Variants in ADH1C observed in about 807,000 individuals in gnomAD.
The protein encoded by ADH1C is alcohol dehydrogenase 1C (class I), gamma polypeptide, also known as alcohol dehydrogenase 1C.
Under a neutral mutation model 35.0 loss-of-function variants are expected in ADH1C, and 26 were observed. The observed-to-expected ratio is 0.74, with a 90% confidence interval of 0.54 to 1.03. The LOEUF is 1.03. Among genes scored for constraint, ADH1C ranks in the 50% least tolerant of loss-of-function variants. The pLI, the probability that ADH1C is intolerant of heterozygous loss-of-function variation, is 0.00. For synonymous variants in ADH1C, 170 were observed against 169.3 expected, an observed-to-expected ratio of 1.00 and a Z score of -0.03; for missense variants, 413 against 465.4, an observed-to-expected ratio of 0.89 and a Z score of 1.04.
intron 5 of ADH1C, among the ~76,000 whole-genome samples, chr4:99,343,330 A>G (rs1194265916): frequency 6.6e-6 from 1 of 152,162 alleles, no homozygotes; most frequent in Non-Finnish European, 1.5e-5. Context: ...TTAAATGAGA[A>G]TCTCTGCAGG....
intron 2 of ADH1C, among the ~76,000 whole-genome samples, chr4:99,347,445 A>C (rs34178057): frequency 0.079 from 12,086 of 152,266 alleles, 577 homozygotes; most frequent in Non-Finnish European, 0.1. Context: ...AGAAATTGCA[A>C]ATTAACACCA....
At chr4:99,337,703 G>C (rs1006674189) in intron 8 of ADH1C, among the ~76,000 whole-genome samples, 1 of 151,912 alleles carries the variant, frequency 6.6e-6, no homozygotes, top group African/African-American at 2.4e-5. Flanking sequence ...TTACGACCTC[G>C]GAGTAATCAT....
intron 6 of ADH1C, among the ~76,000 whole-genome samples, chr4:99,341,113 G>A (rs931700194): frequency 2.0e-5 from 3 of 152,130 alleles, no homozygotes; most frequent in Non-Finnish European, 4.4e-5. Context: ...ATATTTTGAT[G>A]ATGAACAAGA....
intron 8 of ADH1C, among the ~76,000 whole-genome samples, chr4:99,338,139 C>T (rs1001451806): frequency 1.3e-5 from 2 of 151,278 alleles, no homozygotes; most frequent in African/African-American, 4.8e-5. Flanking sequence ...TGAAAGCATC[C>T]AAGTCACCTT....
In ADH1C at chr4:99,336,574, A is replaced by T; in HGVS notation, c.*178T>A. The T allele has an allele frequency of 1.2e-6, 1 of 804,544 alleles. No homozygotes were observed. The highest frequency in any genetic ancestry group is 2.0e-6 in the Non-Finnish European group (1 of 501,436). 49.8% of individuals were successfully genotyped at this position (804,544 alleles called of 1,614,324 possible). On this transcript the variant is annotated 3_prime_UTR_variant, in exon 9 of 9. Coordinates refer to ENST00000515683, the MANE Select transcript of ADH1C (RefSeq NM_000669.5). ...TTTATTTAGTTCTCATTTGGATTTT[A>T]AACATTTGCTTGACAAATAATTTCC... is the stretch of plus-strand genomic sequence containing the variant.
At chr4:99,349,382 A>AT (rs1022024248) in intron 1 of ADH1C, among the ~76,000 whole-genome samples, 12 of 151,096 alleles carry the variant, frequency 7.9e-5, no homozygotes, top group South Asian at 2.1e-4. Flanking sequence ...TATTCTTTTG[A>AT]TTTTTTTTTC....
rs746897151 is a variant in ADH1C at position 99,352,646 on chromosome 4, T to A, written c.18+12A>T. 6.2e-7 allele frequency: 1 copy of A among 1,604,966 alleles called. No individual in the cohort carries two copies. The highest frequency in any genetic ancestry group is 1.1e-5 in the South Asian group (1 of 90,788). On this transcript the variant is annotated intron_variant, in intron 1 of 8. Transcript: ENST00000515683. ...AGAATATATTATCAACAGTAATATA[T>A]TTTTTGCTTACTTTTCCTGCTGTGC... is the stretch of plus-strand genomic sequence containing the variant.
intron 2 of ADH1C, 57 bp from the exon 3 acceptor site, chr4:99,347,201 C>T: frequency 1.3e-6 from 2 of 1,554,618 alleles, no homozygotes; most frequent in Non-Finnish European, 1.7e-6. Context: ...GTCAGATGGA[C>T]TTAACAAACC....
At chr4:99,336,853 T>C (rs1485077909) in intron 8 of ADH1C, 77 bp from the exon 9 acceptor site, 33 of 1,586,184 alleles carry the variant, frequency 2.1e-5, no homozygotes, top group Non-Finnish European at 2.3e-5. Flanking sequence ...CAAGGAGTAT[T>C]TGAGGTGACT....
At chr4:99,337,980 A>G (rs896666631) in intron 8 of ADH1C, among the ~76,000 whole-genome samples, 1 of 151,988 alleles carries the variant, frequency 6.6e-6, no homozygotes, top group African/African-American at 2.4e-5. Flanking sequence ...GCTTAAACAT[A>G]TATGTATGTT....
At position 99,345,094 on chromosome 4, in the gene ADH1C, A is replaced by G. The variant is rs762152705; in HGVS notation, c.348-13T>C. The G allele has an allele frequency of 1.2e-6, 2 of 1,614,046 alleles. No homozygotes were observed. Among genetic ancestry groups the G allele is most frequent in the South Asian group, 2.2e-5 (2 of 91,086 alleles). ...AGGATTGCCTAGACTGGGCAGTGCAATACAAAGACACACAAAGGCATGAGA... is the reference window on the plus strand; with the variant it reads ...AGGATTGCCTAGACTGGGCAGTGCAGTACAAAGACACACAAAGGCATGAGA... On this transcript the variant is annotated splice_polypyrimidine_tract_variant and intron_variant, in intron 4 of 8. Transcript: ENST00000515683.
intron 6 of ADH1C, among the ~76,000 whole-genome samples, chr4:99,341,258 A>G (rs1734408451): frequency 6.6e-6 from 1 of 152,216 alleles, no homozygotes; most frequent in Admixed American, 6.5e-5. Context: ...TTGGTTTTAC[A>G]TTAAATTACA....
intron 8 of ADH1C, among the ~76,000 whole-genome samples, chr4:99,337,552 A>C (rs972565656): frequency 6.6e-6 from 1 of 152,228 alleles, no homozygotes; most frequent in East Asian, 1.9e-4. Context: ...AACACTTTTA[A>C]GAAAAGAAGA....
chr4:99,338,105 T>G (rs1396093397), intron 8 of ADH1C, among the ~76,000 whole-genome samples: 1 of 151,796 alleles, frequency 6.6e-6, no homozygotes, highest in Admixed American at 6.6e-5. Flanking sequence ...CCCAAAAGGA[T>G]GTATCAATTA....
In ADH1C at chr4:99,344,483, C is replaced by T. The variant is rs572829314; in HGVS notation, c.567+379G>A. Among the ~76,000 whole-genome samples, 275 of 152,240 alleles carry T rather than the reference C, an allele frequency of 1.8e-3. 1 individual carries two copies. Among genetic ancestry groups the T allele is most frequent in the Non-Finnish European group, 1.9e-3 (129 of 68,022 alleles). ...AGACTAGATGGTCCTCAAGGGCAAA[C>T]GCTTCATTTCATTTACTTTTGCTGT... On this transcript the variant is annotated intron_variant, in intron 5 of 8. Transcript: ENST00000515683.
intron 7 of ADH1C, 44 bp downstream of exon 7, chr4:99,340,531 T>C (rs368663868): frequency 3.9e-5 from 63 of 1,607,790 alleles, no homozygotes; most frequent in Non-Finnish European, 5.0e-5. Context: ...AGGAGAGAAA[T>C]TCTTAGGTTA....
intron 4 of ADH1C, 48 bp downstream of exon 4, chr4:99,345,131 C>G (rs1376342946): frequency 1.7e-5 from 28 of 1,613,830 alleles, no homozygotes; most frequent in Non-Finnish European, 2.2e-5. Flanking sequence ...AGGACCATAA[C>G]TAATGTGCAA....
At chr4:99,352,033 A>C (rs1167995287) in intron 1 of ADH1C, among the ~76,000 whole-genome samples, 1 of 152,210 alleles carries the variant, frequency 6.6e-6, no homozygotes, top group Non-Finnish European at 1.5e-5. Context: ...ATTTCTGTGG[A>C]AATTGCCTGA....
At chr4:99,344,792 A>C in intron 5 of ADH1C, 70 bp downstream of exon 5, 1 of 1,581,028 alleles carries the variant, frequency 6.3e-7, no homozygotes. Context: ...GATTCTTGCA[A>C]GAAATTGCTT....
Sources: allele counts gnomAD v4.1 joint callset (sites outside exome capture counted in the v4.1 genomes callset), GRCh38; gene constraint gnomAD v4.1.1; transcripts MANE v1.5; gene names NCBI Gene and HGNC (gene_info 2026-07-23, HGNC 2026-07-21).